The following SLC16A10 variants were observed in gnomAD, a reference collection of about 807,000 sequenced individuals.
SLC16A10 encodes solute carrier family 16 member 10.
In SLC16A10, 27 loss-of-function variants were observed where a neutral mutation model predicts 40.0. The ratio of observed to expected loss-of-function variants is 0.67; its 90% CI spans 0.50 to 0.93. SLC16A10 has a LOEUF of 0.93. SLC16A10 is among the 40% of genes least tolerant of loss of function. The pLI is 0.00. For synonymous variants in SLC16A10, 213 were observed against 249.8 expected, an observed-to-expected ratio of 0.85 and a Z score of 1.39; for missense variants, 529 against 658.2, an observed-to-expected ratio of 0.80 and a Z score of 2.15.
intron 1 of SLC16A10, among the ~76,000 whole-genome samples, chr6:111,090,789 C>T (rs1770961149): frequency 6.6e-6 from 1 of 152,222 alleles, no homozygotes. Flanking sequence ...GCTTCAAATA[C>T]ATGCCAAAAA....
At chr6:111,171,528 A>G (rs1197994758) in intron 1 of SLC16A10, among the ~76,000 whole-genome samples, 1 of 152,240 alleles carries the variant, frequency 6.6e-6, no homozygotes, top group Non-Finnish European at 1.5e-5. Flanking sequence ...TGACTAAAAT[A>G]CATATAATTT....
At chr6:111,171,613 C>G (rs1772586689) in intron 1 of SLC16A10, among the ~76,000 whole-genome samples, 1 of 151,806 alleles carries the variant, frequency 6.6e-6, no homozygotes, top group African/African-American at 2.4e-5. Flanking sequence ...CCTAGGAGTT[C>G]AAGACCAGCC....
intron 1 of SLC16A10, among the ~76,000 whole-genome samples, chr6:111,143,546 C>T (rs1190271738): frequency 2.0e-5 from 3 of 151,976 alleles, no homozygotes; most frequent in African/African-American, 7.3e-5. Flanking sequence ...CAATGTGGCC[C>T]ATGCTATGGA....
chr6:111,122,563 T>G (rs777080065), intron 1 of SLC16A10, among the ~76,000 whole-genome samples: 1 of 152,332 alleles, frequency 6.6e-6, no homozygotes, highest in East Asian at 1.9e-4. Context: ...AGTTCATCCA[T>G]GCAGACCTAG....
At chr6:111,204,416 T>TA (rs1274152124) in intron 3 of SLC16A10, among the ~76,000 whole-genome samples, 1 of 152,168 alleles carries the variant, frequency 6.6e-6, no homozygotes, top group Non-Finnish European at 1.5e-5. Flanking sequence ...CAGGAGTGGA[T>TA]ATGTCTAATT....
chr6:111,186,868 A>G (rs370799981), intron 3 of SLC16A10, among the ~76,000 whole-genome samples: 7 of 152,144 alleles, frequency 4.6e-5, no homozygotes, highest in South Asian at 2.1e-4. Flanking sequence ...ATATTCCCTC[A>G]TAACATATTG....
rs557802981 is a variant in SLC16A10 at position 111,099,730 on chromosome 6, A to G, written c.343+11635A>G. Among the ~76,000 whole-genome samples the G allele has an allele frequency of 7.2e-5, 11 of 152,316 alleles. No individual in the cohort carries two copies. In the East Asian group the frequency reaches 2.1e-3, roughly 29 times the overall value. On this transcript the variant is annotated intron_variant, in intron 1 of 5. Transcript: ENST00000368851. ...TCTCAGAGGGTTTTTACCTGCATTA[A>G]AAATGATTAAGGCTGGGCAGAATGG... is the stretch of plus-strand genomic sequence containing the variant.
chr6:111,172,960 C>A (rs1772614008), intron 2 of SLC16A10, 121 bp downstream of exon 2: 2 of 1,258,042 alleles, frequency 1.6e-6, no homozygotes, highest in Non-Finnish European at 2.2e-6. Context: ...AAACTTTAAG[C>A]AATATGACTT....
intron 1 of SLC16A10, among the ~76,000 whole-genome samples, chr6:111,171,139 TA>T (rs1040855648): frequency 6.6e-6 from 1 of 151,802 alleles, no homozygotes; most frequent in Admixed American, 6.6e-5. Flanking sequence ...CCTGTCTCAT[TA>T]AAAAAAGAAA....
chr6:111,197,096 C>G (rs1385499355), intron 3 of SLC16A10, among the ~76,000 whole-genome samples: 1 of 152,120 alleles, frequency 6.6e-6, no homozygotes, highest in Non-Finnish European at 1.5e-5. Context: ...AATCTTCATT[C>G]CGGTAAAAAC....
intron 1 of SLC16A10, among the ~76,000 whole-genome samples, chr6:111,170,608 C>T (rs1224431751): frequency 6.6e-6 from 1 of 151,990 alleles, no homozygotes; most frequent in Non-Finnish European, 1.5e-5. Context: ...CACCACCACG[C>T]CTGGCTAATT....
rs554678615 is a variant in SLC16A10 at position 111,186,012 on chromosome 6, A to G, written c.942+8347A>G. ...CCTCCCGGACTCAAGCAATCCTCCCACCTCAGCCTCCCAAGTAGCTAGGAC... is the reference window on the plus strand; with the variant it reads ...CCTCCCGGACTCAAGCAATCCTCCCGCCTCAGCCTCCCAAGTAGCTAGGAC... On this transcript the variant is annotated intron_variant, in intron 3 of 5. Coordinates refer to ENST00000368851, the MANE Select transcript of SLC16A10 (RefSeq NM_018593.5). 3.3e-5 allele frequency among the ~76,000 whole-genome samples: 5 copies of G among 151,110 alleles called. No homozygotes were observed. In the South Asian group the frequency reaches 6.3e-4, roughly 19 times the overall value.
rs773591090 is a variant in SLC16A10 at position 111,093,041 on chromosome 6, C to CAAA, written c.343+4958_343+4960dup. The stretch of plus-strand genomic sequence containing the variant: ...GGGCAACAAGAGTGAAACTCCGTCT[C>CAAA]AAAAAAAAAAAAAAGAAAAGAAAAA... On this transcript the variant is annotated intron_variant, in intron 1 of 5. Coordinates refer to ENST00000368851, the MANE Select transcript of SLC16A10 (RefSeq NM_018593.5). Among the ~76,000 whole-genome samples the CAAA allele has an allele frequency of 1.6e-3, 187 of 114,698 alleles. 4 individuals carry two copies. The highest frequency in any genetic ancestry group is 5.0e-3 in the African/African-American group (161 of 31,980). 75.2% of individuals were successfully genotyped at this position (114,698 alleles called of 152,430 possible).
intron 1 of SLC16A10, among the ~76,000 whole-genome samples, chr6:111,151,723 A>G (rs1053226336): frequency 2.0e-5 from 3 of 152,226 alleles, no homozygotes; most frequent in Non-Finnish European, 4.4e-5. Context: ...GATTCTGGCT[A>G]CATCCTTAGA....
chr6:111,150,260 A>G (rs745879428), intron 1 of SLC16A10, among the ~76,000 whole-genome samples: 4 of 152,236 alleles, frequency 2.6e-5, no homozygotes, highest in African/African-American at 4.8e-5. Flanking sequence ...GTTATAATGC[A>G]GTAGTAACGC....
rs544393421 is a variant in SLC16A10, at chr6:111,218,385, C to T, written c.1087-429C>T. 3.3e-5 allele frequency among the ~76,000 whole-genome samples: 5 copies of T among 152,260 alleles called. No individual in the cohort carries two copies. The East Asian group carries it at 9.7e-4, about 29-fold the overall frequency. On this transcript the variant is annotated intron_variant, in intron 4 of 5. Transcript: ENST00000368851. Reference sequence around the variant, plus strand: ...CTTGAGGTCAGGAGTTCAAGACCAGCCTGCCCAACATGGGGAAGCCCCATC... The same window carrying T: ...CTTGAGGTCAGGAGTTCAAGACCAGTCTGCCCAACATGGGGAAGCCCCATC...
intron 1 of SLC16A10, among the ~76,000 whole-genome samples, chr6:111,159,067 C>CAAAAAAAAAA (rs548809670): frequency 2.6e-4 from 6 of 23,404 alleles, no homozygotes; most frequent in Non-Finnish European, 3.2e-4. Context: ...GACCCTGACT[C>CAAAAAAAAAA]AAAAAAAAAA....
intron 1 of SLC16A10, 74 bp downstream of exon 1, chr6:111,088,169 T>C (rs893304130): frequency 3.4e-6 from 5 of 1,449,606 alleles, no homozygotes; most frequent in Non-Finnish European, 4.7e-6. Flanking sequence ...GCGTGTGGGC[T>C]GTGTCTGCCT....
At chr6:111,186,438 T>C (rs1002938985) in intron 3 of SLC16A10, among the ~76,000 whole-genome samples, 5 of 152,232 alleles carry the variant, frequency 3.3e-5, no homozygotes, top group Non-Finnish European at 2.9e-5. Flanking sequence ...TGATATGGGA[T>C]GAATAGAAAT....
Sources: allele counts gnomAD v4.1 joint callset (sites outside exome capture counted in the v4.1 genomes callset), GRCh38; gene constraint gnomAD v4.1.1; transcripts MANE v1.5; gene names NCBI Gene and HGNC (gene_info 2026-07-23, HGNC 2026-07-21).